The following NAALADL2 variants were observed in gnomAD, a reference collection of about 807,000 sequenced individuals.
NAALADL2 encodes the protein N-acetylated alpha-linked acidic dipeptidase like 2.
NAALADL2 carries 76 observed loss-of-function variants against 87.2 expected under a neutral mutation model. The ratio of observed to expected loss-of-function variants is 0.87; its 90% confidence interval spans 0.72 to 1.05. The LOEUF is 1.05. Ranked by LOEUF, NAALADL2 falls within the 50% of genes least tolerant of loss-of-function variation. NAALADL2 has a pLI of 0.00. For missense variants in NAALADL2, 1,089 were observed against 945.8 expected (o/e 1.15, Z -1.99); for synonymous variants, 354 against 331.0 (o/e 1.07, Z -0.75).
At chr3:174,519,883 T>A (rs373256018) in intron 1 of NAALADL2, among the ~76,000 whole-genome samples, 56 of 152,210 alleles carry the variant, frequency 3.7e-4, no homozygotes, top group African/African-American at 1.2e-3. Flanking sequence ...ACAGCCAACA[T>A]CATACTGAAT....
chr3:175,003,951 GA>G (rs1228598979), intron 1 of NAALADL2, among the ~76,000 whole-genome samples: 21 of 152,146 alleles, frequency 1.4e-4, no homozygotes, highest in African/African-American at 5.1e-4. Context: ...ATGACTGGAG[GA>G]AACATTTTAA....
chr3:175,533,313 C>G (rs1734351806), intron 9 of NAALADL2, among the ~76,000 whole-genome samples: 1 of 152,230 alleles, frequency 6.6e-6, no homozygotes, highest in Non-Finnish European at 1.5e-5. Flanking sequence ...CACACAATCA[C>G]CCTTGCCCCT....
At chr3:175,388,065 C>T (rs771058651) in intron 5 of NAALADL2, among the ~76,000 whole-genome samples, 4 of 152,016 alleles carry the variant, frequency 2.6e-5, no homozygotes, top group Non-Finnish European at 5.9e-5. Flanking sequence ...TCTAGAGAGA[C>T]TTTCCATAGC....
chr3:174,630,994 A>G (rs957019008), intron 2 of NAALADL2, among the ~76,000 whole-genome samples: 1 of 152,132 alleles, frequency 6.6e-6, no homozygotes, highest in African/African-American at 2.4e-5. Context: ...ACTCCAGAAG[A>G]GCCTGTTATG....
chr3:175,482,727 G>C (rs2149323202), intron 9 of NAALADL2, among the ~76,000 whole-genome samples: 1 of 151,786 alleles, frequency 6.6e-6, no homozygotes, highest in Middle Eastern at 3.4e-3. Flanking sequence ...CAAAATAATA[G>C]TAAATTTAGG....
At chr3:175,639,430 C>T (rs1728994947) in intron 11 of NAALADL2, among the ~76,000 whole-genome samples, 1 of 149,998 alleles carries the variant, frequency 6.7e-6, no homozygotes, top group Non-Finnish European at 1.5e-5. Flanking sequence ...ACACCATTCT[C>T]CTGCCTCAGT....
chr3:175,366,662 G>A (rs1381796861), intron 5 of NAALADL2, among the ~76,000 whole-genome samples: 1 of 151,476 alleles, frequency 6.6e-6, no homozygotes, highest in Non-Finnish European at 1.5e-5. Context: ...GTCTTCTTTT[G>A]AGAAGTGTCT....
rs78008436 is a variant in NAALADL2 at position 175,181,623 on chromosome 3, T to C, written c.546-52308T>C. On this transcript the variant is annotated intron_variant, in intron 2 of 13. Coordinates refer to ENST00000454872, the MANE Select transcript of NAALADL2 (RefSeq NM_207015.3). ...AGCATGTCTTCCAGGTTCATCCATG[T>C]TGTTGCAAATGACAACATACCTTTC... Among the ~76,000 whole-genome samples, 623 of 150,620 alleles carry C rather than the reference T, an allele frequency of 4.1e-3. 2 individuals carry two copies. The highest frequency in any genetic ancestry group is 0.017 in the Middle Eastern group (5 of 292).
intron 5 of NAALADL2, among the ~76,000 whole-genome samples, chr3:175,412,891 T>TTTTTTATTATTATTATTATTA (rs776876343): frequency 1.6e-5 from 2 of 123,012 alleles, no homozygotes; most frequent in Non-Finnish European, 3.3e-5. Context: ...ATTTAATTTA[T>TTTTTTATTATTATTATTATTA]TTATTATTAT....
At chr3:174,752,010 C>T (rs1734878524) in intron 3 of NAALADL2, among the ~76,000 whole-genome samples, 1 of 151,976 alleles carries the variant, frequency 6.6e-6, no homozygotes, top group African/African-American at 2.4e-5. Context: ...CACAGTCTCG[C>T]TCTGTTGCCC....
chr3:174,492,953 TG>T (rs1165892505), intron 1 of NAALADL2, among the ~76,000 whole-genome samples: 4 of 152,234 alleles, frequency 2.6e-5, no homozygotes, highest in Non-Finnish European at 5.9e-5. Flanking sequence ...CATTTCTTAC[TG>T]CTGACTGTAG....
intron 11 of NAALADL2, among the ~76,000 whole-genome samples, chr3:175,650,101 G>A (rs952314645): frequency 1.3e-4 from 18 of 142,266 alleles, no homozygotes; most frequent in Non-Finnish European, 2.1e-4. Flanking sequence ...AATTTTGCAA[G>A]TAGATAAATA....
chr3:175,280,365 C>T (rs1754130150), intron 4 of NAALADL2, among the ~76,000 whole-genome samples: 1 of 152,142 alleles, frequency 6.6e-6, no homozygotes, highest in African/African-American at 2.4e-5. Flanking sequence ...TACCAAAATC[C>T]TTAAAACCAT....
At chr3:175,451,006 G>T (rs1429468523) in intron 6 of NAALADL2, among the ~76,000 whole-genome samples, 1 of 151,742 alleles carries the variant, frequency 6.6e-6, no homozygotes, top group East Asian at 1.9e-4. Flanking sequence ...GGGAGAGAAA[G>T]ATAGAAATAG....
chr3:174,463,828 G>A (rs1397568118), intron 1 of NAALADL2, among the ~76,000 whole-genome samples: 2 of 152,016 alleles, frequency 1.3e-5, no homozygotes, highest in East Asian at 1.9e-4. Flanking sequence ...TCTTGATCTC[G>A]ACCTTGTGAT....
At chr3:175,442,195 T>C (rs960407248) in intron 5 of NAALADL2, among the ~76,000 whole-genome samples, 1 of 152,076 alleles carries the variant, frequency 6.6e-6, no homozygotes, top group Non-Finnish European at 1.5e-5. Flanking sequence ...TCCACCCTCC[T>C]CGACCTCTCA....
chr3:175,156,169 G>A (rs1328241292), intron 2 of NAALADL2, among the ~76,000 whole-genome samples: 1 of 152,138 alleles, frequency 6.6e-6, no homozygotes, highest in African/African-American at 2.4e-5. Flanking sequence ...TTAAATGGTT[G>A]TGAGGGAGGA....
chr3:174,908,798 G>C (rs1733308506), intron 1 of NAALADL2, among the ~76,000 whole-genome samples: 2 of 151,862 alleles, frequency 1.3e-5, no homozygotes, highest in Admixed American at 6.6e-5. Flanking sequence ...TGTTTGTCTG[G>C]ATTTTTACAA....
chr3:174,444,083 C>T (rs1215941972), intron 1 of NAALADL2, among the ~76,000 whole-genome samples: 2 of 151,860 alleles, frequency 1.3e-5, no homozygotes, highest in African/African-American at 4.8e-5. Flanking sequence ...TTAAAGTGTA[C>T]AAAACAATGG....
Sources: gnomAD v4.1 joint callset for allele counts (sites outside exome capture counted in the v4.1 genomes callset) on GRCh38, gnomAD v4.1.1 for gene constraint, MANE v1.5 for transcripts, NCBI Gene and HGNC (gene_info 2026-07-23, HGNC 2026-07-21) for gene names.